Variants in UTRN observed in about 807,000 individuals in gnomAD.
UTRN encodes the protein dystrophin-related protein 1.
UTRN carries 283 observed loss-of-function variants against 463.9 expected under a neutral mutation model. That is an observed-to-expected ratio of 0.61 (90% CI 0.55 to 0.67). UTRN has a LOEUF of 0.67. Among genes scored for constraint, UTRN ranks in the 30% least tolerant of loss-of-function variants. The probability of loss-of-function intolerance (pLI) is 0.00; values close to 1 mark genes in which losing one functional copy is unlikely to be tolerated. For missense variants in UTRN, 3,922 were observed against 4,084.3 expected (o/e 0.96, Z 1.08); for synonymous variants, 1,442 against 1,431.5 (o/e 1.01, Z -0.17).
At position 144,450,983 on chromosome 6, in the gene UTRN, G is replaced by A. The variant is rs151173928; in HGVS notation, c.2073-387G>A. ...CAAAAATTAGCTGGGTGTGGTGGTG[G>A]GCACCTATAATCCTAGCTACTCGGG... On this transcript the variant is annotated intron_variant, in intron 17 of 74. Coordinates refer to ENST00000367545, the MANE Select transcript of UTRN (RefSeq NM_007124.3). 9.8e-3 allele frequency among the ~76,000 whole-genome samples: 1,485 copies of A among 152,056 alleles called. 32 individuals carry two copies. The highest frequency in any genetic ancestry group is 0.034 in the African/African-American group (1,421 of 41,474).
At chr6:144,765,648 C>T (rs1191932662) in intron 58 of UTRN, among the ~76,000 whole-genome samples, 2 of 152,168 alleles carry the variant, frequency 1.3e-5, no homozygotes, top group Non-Finnish European at 2.9e-5. Context: ...TGACCTGAAG[C>T]AGTCCTCCTG....
Position 144,475,189 on chromosome 6 carries a change from A to T in UTRN, c.3336+430A>T, listed in dbSNP as rs550011428. Among the ~76,000 whole-genome samples, 5 of 152,368 alleles carry T rather than the reference A, an allele frequency of 3.3e-5. No individual in the cohort carries two copies. In the South Asian group the frequency reaches 6.2e-4, roughly 19 times the overall value. On this transcript the variant is annotated intron_variant, in intron 25 of 74. Coordinates refer to ENST00000367545, the MANE Select transcript of UTRN (RefSeq NM_007124.3). The stretch of plus-strand genomic sequence containing the variant: ...AGGCAGATGGATAATGAATAATATC[A>T]TGGAGGAGTAGCAAGGAGTTAGGGC...
At chr6:144,686,172 G>C (rs1782737114) in intron 52 of UTRN, among the ~76,000 whole-genome samples, 1 of 152,048 alleles carries the variant, frequency 6.6e-6, no homozygotes, top group Non-Finnish European at 1.5e-5. Context: ...TCCAATTTAT[G>C]TTTTTGTGTG....
chr6:144,365,564 G>A (rs1054179753), intron 2 of UTRN, among the ~76,000 whole-genome samples: 3 of 152,162 alleles, frequency 2.0e-5, no homozygotes, highest in African/African-American at 4.8e-5. Flanking sequence ...GTTACTAAGC[G>A]ACAAACATTC....
chr6:144,793,262 G>T (rs540025310), intron 62 of UTRN, among the ~76,000 whole-genome samples: 5 of 151,672 alleles, frequency 3.3e-5, no homozygotes, highest in Admixed American at 1.3e-4. Flanking sequence ...TTTAAGGTAC[G>T]TTTATTCCTT....
At chr6:144,464,759 C>A (rs1789761920) in intron 23 of UTRN, among the ~76,000 whole-genome samples, 2 of 152,118 alleles carry the variant, frequency 1.3e-5, no homozygotes. Context: ...CTCGGCCTCC[C>A]AAAATGCTAG....
chr6:144,453,299 T>C (rs1467003141), intron 18 of UTRN, among the ~76,000 whole-genome samples: 1 of 152,092 alleles, frequency 6.6e-6, no homozygotes, highest in Non-Finnish European at 1.5e-5. Flanking sequence ...ATTTTTGTAT[T>C]TTTAGTAGAG....
rs765376014 is a variant in UTRN at position 144,437,562 on chromosome 6, T to C, written c.1060-3T>C. 1.2e-6 allele frequency: 2 copies of C among 1,600,546 alleles called. No individual in the cohort carries two copies. Among genetic ancestry groups the C allele is most frequent in the South Asian group, 1.1e-5 (1 of 88,636 alleles). ...CACAAATTATAACAATGTCCCTTTC[T>C]AGGCTTTTATGATGGAACTGACTGC... On this transcript the variant is annotated splice_region_variant and splice_polypyrimidine_tract_variant and intron_variant, in intron 10 of 74. Coordinates refer to ENST00000367545, the MANE Select transcript of UTRN (RefSeq NM_007124.3).
intron 34 of UTRN, among the ~76,000 whole-genome samples, chr6:144,501,958 CT>C (rs1794225321): frequency 6.6e-6 from 1 of 152,084 alleles, no homozygotes; most frequent in Non-Finnish European, 1.5e-5. Context: ...CCGCTTTTTA[CT>C]CTAATTCTGA....
At position 144,350,718 on chromosome 6, in the gene UTRN, T is replaced by A. The variant is rs546432895; in HGVS notation, c.80-52405T>A. ...TGCATTGCTCATTTTCTTTTGTTGC[T>A]TGGATCCCTGACTTTTATACTCTTA... On this transcript the variant is annotated intron_variant, in intron 2 of 74. Coordinates refer to ENST00000367545, the MANE Select transcript of UTRN (RefSeq NM_007124.3). 3.3e-5 allele frequency among the ~76,000 whole-genome samples: 5 copies of A among 152,358 alleles called. No homozygotes were observed. In the East Asian group the frequency reaches 9.6e-4, roughly 29 times the overall value.
chr6:144,533,200 T>C lies in UTRN; in HGVS notation c.6173T>C (p.Leu2058Pro). 6.2e-7 allele frequency: 1 copy of C among 1,614,122 alleles called. No homozygotes were observed. Among genetic ancestry groups the C allele is most frequent in the Non-Finnish European group, 8.5e-7 (1 of 1,179,994 alleles). ...QADGSFLKEK[L>P]AGLNQRWDAI... Reference sequence around the variant, plus strand: ...GATGGAAGCTTCTTGAAAGAAAAACTGGCAGGTTTAAACCAACGCTGGGAT... The same window carrying C: ...GATGGAAGCTTCTTGAAAGAAAAACCGGCAGGTTTAAACCAACGCTGGGAT... Residue 2058 changes from leucine (L) to proline (P), a missense_variant, in exon 43 of 75, where the codon CTG (leucine) becomes CCG (proline). This residue lies in a region of UTRN where 2,349 missense variants were observed against 2,303.8 expected (regional missense o/e 1.02). Transcript: ENST00000367545.
intron 49 of UTRN, 82 bp downstream of exon 49, chr6:144,554,975 T>C (rs747711410): frequency 2.8e-6 from 4 of 1,416,278 alleles, no homozygotes; most frequent in Non-Finnish European, 2.9e-6. Flanking sequence ...TTCTTAACAA[T>C]AGGACCCTGC....
intron 2 of UTRN, among the ~76,000 whole-genome samples, chr6:144,292,781 CTT>C (rs1804362345): frequency 6.6e-6 from 1 of 152,146 alleles, no homozygotes; most frequent in Admixed American, 6.5e-5. Flanking sequence ...TCCAGTGTCA[CTT>C]TAAAGACAAA....
chr6:144,457,445 G>T (rs1788968160), intron 19 of UTRN, among the ~76,000 whole-genome samples: 1 of 152,152 alleles, frequency 6.6e-6, no homozygotes, highest in Admixed American at 6.5e-5. Flanking sequence ...TGATGTGGCT[G>T]GTGTTACTAT....
At chr6:144,750,849 C>T (rs1371901368) in intron 55 of UTRN, among the ~76,000 whole-genome samples, 2 of 152,044 alleles carry the variant, frequency 1.3e-5, no homozygotes, top group Admixed American at 6.6e-5. Flanking sequence ...TTACTGGGAA[C>T]GTCAAGAATG....
At chr6:144,628,662 T>C (rs1485501256) in intron 51 of UTRN, among the ~76,000 whole-genome samples, 1 of 152,230 alleles carries the variant, frequency 6.6e-6, no homozygotes, top group Non-Finnish European at 1.5e-5. Flanking sequence ...ATATCCTAAA[T>C]AGAATCATCC....
At chr6:144,635,868 T>TCACATTATTGAA (rs1777118324) in intron 51 of UTRN, among the ~76,000 whole-genome samples, 1 of 152,130 alleles carries the variant, frequency 6.6e-6, no homozygotes, top group African/African-American at 2.4e-5. Flanking sequence ...TAAAAAAAAT[T>TCACATTATTGAA]TAATAATTCA....
At chr6:144,405,504 G>A (rs904486932) in intron 3 of UTRN, among the ~76,000 whole-genome samples, 4 of 151,998 alleles carry the variant, frequency 2.6e-5, no homozygotes, top group East Asian at 3.8e-4. Context: ...AATAAATCCC[G>A]TTGAAGGGAA....
chr6:144,815,000 A>G (rs912714800), intron 65 of UTRN, among the ~76,000 whole-genome samples: 2 of 152,216 alleles, frequency 1.3e-5, no homozygotes, highest in African/African-American at 2.4e-5. Flanking sequence ...GTTAACACTG[A>G]AAAGGCCTAA....
Sources: allele counts gnomAD v4.1 joint callset (sites outside exome capture counted in the v4.1 genomes callset), GRCh38; gene constraint gnomAD v4.1.1; regional missense constraint gnomAD v4.1.1; transcripts MANE v1.5; gene names NCBI Gene and HGNC (gene_info 2026-07-23, HGNC 2026-07-21).